The following GALNT13 variants were observed in gnomAD, a reference collection of about 807,000 sequenced individuals.
GALNT13 encodes the protein polypeptide N-acetylgalactosaminyltransferase 13, also known as UDP-GalNAc:polypeptide N-acetylgalactosaminyltransferase 13.
A neutral mutation model predicts 64.2 loss-of-function variants in GALNT13; 28 were observed. The observed-to-expected ratio is 0.44, with a 90% CI of 0.32 to 0.60. The LOEUF (loss-of-function observed/expected upper bound fraction) is 0.60. GALNT13 is among the 20% of genes least tolerant of loss of function. The pLI is 0.05. For synonymous variants in GALNT13, 214 were observed against 224.6 expected, an observed-to-expected ratio of 0.95 and a Z score of 0.42; for missense variants, 577 against 669.8, an observed-to-expected ratio of 0.86 and a Z score of 1.53.
chr2:153,099,420 C>T, the GALNT13 span, among the ~76,000 whole-genome samples: 15 of 152,228 alleles, frequency 9.9e-5, no homozygotes, highest in East Asian at 2.7e-3. Flanking sequence ...GTACACAAGA[C>T]TCTCACTGTT....
the GALNT13 span, among the ~76,000 whole-genome samples, chr2:153,323,608 T>C: frequency 3.3e-5 from 5 of 152,152 alleles, no homozygotes; most frequent in African/African-American, 1.2e-4. Context: ...TCTTCTAGGG[T>C]TTTTATGGCT....
chr2:153,798,777 T>A, the GALNT13 span, among the ~76,000 whole-genome samples: 1 of 152,184 alleles, frequency 6.6e-6, no homozygotes, highest in Non-Finnish European at 1.5e-5. Context: ...GTTGTCATAC[T>A]TCTGGTGTAT....
rs201008067 is a variant in GALNT13, at chr2:154,205,992, T to TATC, written c.312-36036_312-36035insCAT. Among the ~76,000 whole-genome samples the TATC allele has an allele frequency of 3.0e-3, 459 of 151,584 alleles. 3 individuals are homozygous for TATC. Among genetic ancestry groups the TATC allele is most frequent in the East Asian group, 0.027 (140 of 5,144 alleles). ...TTTGAAACAATTATGATTTTCCTTTTATTATTATTATTATTATTATTTTAA... is the reference window on the plus strand; with the variant it reads ...TTTGAAACAATTATGATTTTCCTTTTATCATTATTATTATTATTATTATTTTAA... On this transcript the variant is annotated intron_variant, in intron 4 of 12. Transcript: ENST00000392825.
At chr2:153,847,125 TAAAC>T in the GALNT13 span, among the ~76,000 whole-genome samples, 1 of 151,996 alleles carries the variant, frequency 6.6e-6, no homozygotes, top group Non-Finnish European at 1.5e-5. Flanking sequence ...ATTTCTAGGA[TAAAC>T]AACATTATTC....
At chr2:153,452,461 G>C in the GALNT13 span, among the ~76,000 whole-genome samples, 33 of 151,746 alleles carry the variant, frequency 2.2e-4, no homozygotes, top group Non-Finnish European at 3.8e-4. Context: ...CTAGGAAACC[G>C]AGTGAGACTC....
At chr2:153,166,813 G>A in the GALNT13 span, among the ~76,000 whole-genome samples, 6 of 152,158 alleles carry the variant, frequency 3.9e-5, no homozygotes, top group East Asian at 5.8e-4. Context: ...ATAACCTTGC[G>A]TAACCAGGTG....
chr2:153,671,743 A>G, the GALNT13 span, among the ~76,000 whole-genome samples: 1 of 152,232 alleles, frequency 6.6e-6, no homozygotes, highest in East Asian at 1.9e-4. Context: ...TCCAATTAAA[A>G]GACATAGACT....
intron 7 of GALNT13, among the ~76,000 whole-genome samples, chr2:154,256,074 C>T (rs925887843): frequency 1.3e-5 from 2 of 150,968 alleles, no homozygotes; most frequent in Non-Finnish European, 3.0e-5. Context: ...AAAAAAAAAA[C>T]TCAGTTAAAA....
At chr2:154,178,951 T>C (rs1164762034) in intron 4 of GALNT13, among the ~76,000 whole-genome samples, 1 of 152,204 alleles carries the variant, frequency 6.6e-6, no homozygotes, top group Non-Finnish European at 1.5e-5. Context: ...GTCCCAAAGG[T>C]GCATTAGGAT....
chr2:154,045,683 T>G (rs1699241114), intron 3 of GALNT13, among the ~76,000 whole-genome samples: 2 of 152,188 alleles, frequency 1.3e-5, no homozygotes, highest in Admixed American at 1.3e-4. Context: ...CCCTAAATTC[T>G]AGAGAAAAAT....
chr2:154,413,589 G>T (rs893606743), intron 11 of GALNT13, among the ~76,000 whole-genome samples: 1 of 151,780 alleles, frequency 6.6e-6, no homozygotes, highest in African/African-American at 2.4e-5. Context: ...ATGTCCCATC[G>T]GTCTCCTGTG....
the GALNT13 span, among the ~76,000 whole-genome samples, chr2:153,763,888 T>TC: frequency 0.43 from 65,376 of 151,256 alleles, 15,458 homozygotes; most frequent in African/African-American, 0.62. Flanking sequence ...GTTTGGAACT[T>TC]CTAGAGACTT....
intron 8 of GALNT13, among the ~76,000 whole-genome samples, chr2:154,298,231 C>A (rs529608842): frequency 1.3e-5 from 2 of 151,198 alleles, no homozygotes; most frequent in Non-Finnish European, 2.9e-5. Context: ...ATAATAAATG[C>A]ATCAAGGGAT....
intron 1 of GALNT13, among the ~76,000 whole-genome samples, chr2:153,873,817 T>A (rs1056238028): frequency 6.6e-6 from 1 of 151,934 alleles, no homozygotes; most frequent in Non-Finnish European, 1.5e-5. Flanking sequence ...TCAGTCCGTC[T>A]CTCTCTCTTT....
intron 3 of GALNT13, among the ~76,000 whole-genome samples, chr2:154,013,181 T>C (rs1053304759): frequency 1.1e-4 from 17 of 151,370 alleles, no homozygotes; most frequent in African/African-American, 3.7e-4. Flanking sequence ...TGGGCTGATG[T>C]TCTTTAATCT....
the GALNT13 span, among the ~76,000 whole-genome samples, chr2:153,352,594 T>C: frequency 6.6e-6 from 1 of 152,140 alleles, no homozygotes; most frequent in East Asian, 1.9e-4. Flanking sequence ...TTTTTCATTT[T>C]ACATTTAGTT....
At chr2:153,371,078 G>A in the GALNT13 span, 8 of 199,472 alleles carry the variant, frequency 4.0e-5, no homozygotes, top group African/African-American at 1.6e-4. Flanking sequence ...ACTGAGTCCA[G>A]CTGGTTGATT....
chr2:153,837,618 A>G, the GALNT13 span, among the ~76,000 whole-genome samples: 3 of 152,132 alleles, frequency 2.0e-5, no homozygotes, highest in Non-Finnish European at 4.4e-5. Context: ...ATTCTACTCT[A>G]TGTAACTATA....
At chr2:154,317,232 T>C (rs565886180) in intron 9 of GALNT13, among the ~76,000 whole-genome samples, 5 of 146,058 alleles carry the variant, frequency 3.4e-5, no homozygotes, top group South Asian at 2.2e-4. Context: ...AAAAGAAGAA[T>C]GGTGTAGGGT....
Sources: allele counts gnomAD v4.1 joint callset (sites outside exome capture counted in the v4.1 genomes callset), GRCh38; gene constraint gnomAD v4.1.1; transcripts MANE v1.5; gene names NCBI Gene and HGNC (gene_info 2026-07-23, HGNC 2026-07-21).